Variants in CDHR3 observed in about 807,000 individuals in gnomAD.
CDHR3 encodes cadherin-related family member 3.
CDHR3 carries 79 observed loss-of-function variants against 86.6 expected under a neutral mutation model. The ratio of observed to expected loss-of-function variants is 0.91; its 90% CI spans 0.76 to 1.10. The LOEUF (loss-of-function observed/expected upper bound fraction) is 1.10. Ranked by LOEUF, CDHR3 falls within the 50% of genes least tolerant of loss-of-function variation. The pLI, the probability that CDHR3 is intolerant of heterozygous loss-of-function variation, is 0.00. For synonymous variants in CDHR3, 421 were observed against 402.4 expected, an observed-to-expected ratio of 1.05 and a Z score of -0.55; for missense variants, 1,081 against 1,077.6, an observed-to-expected ratio of 1.00 and a Z score of -0.04.
At chr7:105,982,067 C>A (rs73720318) in intron 3 of CDHR3, among the ~76,000 whole-genome samples, 22,459 of 152,094 alleles carry the variant, frequency 0.15, 1,730 homozygotes, top group African/African-American at 0.2. Flanking sequence ...AGTCTGTTTT[C>A]CATACTGCAG....
intron 15 of CDHR3, among the ~76,000 whole-genome samples, chr7:106,026,427 A>T (rs1437742708): frequency 1.3e-5 from 2 of 152,180 alleles, no homozygotes; most frequent in Non-Finnish European, 2.9e-5. Flanking sequence ...TATTCCCTGA[A>T]GTTTATAAGG....
At chr7:106,015,265 C>A (rs975532000) in intron 10 of CDHR3, 52 bp downstream of exon 10, 7 of 1,460,640 alleles carry the variant, frequency 4.8e-6, no homozygotes, top group Non-Finnish European at 5.6e-6. Context: ...GTATCAATGA[C>A]CAAACTCTGC....
intron 8 of CDHR3, among the ~76,000 whole-genome samples, chr7:106,005,302 AT>A (rs1209289765): frequency 6.6e-6 from 1 of 152,178 alleles, no homozygotes; most frequent in East Asian, 1.9e-4. Flanking sequence ...CCTACAATCT[AT>A]TTGCTATTAT....
intron 4 of CDHR3, among the ~76,000 whole-genome samples, chr7:105,992,224 A>G (rs1359968543): frequency 6.6e-6 from 1 of 152,198 alleles, no homozygotes; most frequent in Non-Finnish European, 1.5e-5. Flanking sequence ...TCCAGCTCCT[A>G]GAGCATTTCA....
chr7:106,015,827 A>C (rs1470670734), intron 10 of CDHR3, 100 bp from the exon 11 acceptor site: 1,191 of 737,022 alleles, frequency 1.6e-3, no homozygotes, highest in Non-Finnish European at 2.3e-3. Context: ...GGTATCCCCT[A>C]TGCGCAAAGC....
At position 106,017,995 on chromosome 7, in the gene CDHR3, A is replaced by G. The variant is rs1835923816; in HGVS notation, c.1576A>G (p.Lys526Glu). 1 of 1,613,826 alleles carries G rather than the reference A, an allele frequency of 6.2e-7. No individual in the cohort carries two copies. The highest frequency in any genetic ancestry group is 8.5e-7 in the Non-Finnish European group (1 of 1,179,884). ...PKTGELQLVT[K>E]VDCETTPIYI... Reference sequence around the variant, plus strand: ...GACAGGAGAACTCCAGCTGGTAACTAAAGTGGACTGTGAAACAACCCCCAT... The same window carrying G: ...GACAGGAGAACTCCAGCTGGTAACTGAAGTGGACTGTGAAACAACCCCCAT... Residue 526 changes from lysine (K) to glutamate (E), a missense_variant, in exon 12 of 19, where the codon AAA becomes GAA. Coordinates refer to ENST00000317716, the MANE Select transcript of CDHR3 (RefSeq NM_152750.5).
intron 4 of CDHR3, 125 bp from the exon 5 acceptor site, chr7:105,994,626 G>A (rs767602234): frequency 2.3e-5 from 16 of 700,458 alleles, no homozygotes; most frequent in Non-Finnish European, 3.9e-5. Flanking sequence ...TCTTTGAACC[G>A]CATCCTGATG....
At chr7:106,015,463 C>G (rs1340177221) in intron 10 of CDHR3, among the ~76,000 whole-genome samples, 1 of 152,058 alleles carries the variant, frequency 6.6e-6, no homozygotes, top group African/African-American at 2.4e-5. Flanking sequence ...AGTTCCAACT[C>G]TTTGACTTGG....
intron 4 of CDHR3, among the ~76,000 whole-genome samples, chr7:105,988,051 C>T (rs1251126906): frequency 6.6e-6 from 1 of 152,112 alleles, no homozygotes; most frequent in Non-Finnish European, 1.5e-5. Flanking sequence ...CCATCACACC[C>T]AGCTAATTTT....
intron 4 of CDHR3, among the ~76,000 whole-genome samples, chr7:105,993,696 A>C (rs1353166484): frequency 2.0e-5 from 3 of 150,582 alleles, no homozygotes; most frequent in Non-Finnish European, 4.4e-5. Context: ...AAAAAAAAAA[A>C]AAAAAAAAAG....
intron 4 of CDHR3, among the ~76,000 whole-genome samples, chr7:105,993,597 G>T (rs2115743073): frequency 6.8e-6 from 1 of 147,062 alleles, no homozygotes; most frequent in South Asian, 2.2e-4. Flanking sequence ...TATCACTTGA[G>T]CCCGGGAGGC....
chr7:105,981,066 G>T lies in CDHR3; in HGVS notation c.348G>T (p.Leu116=), dbSNP rs193795. Residue 116 remains leucine (L), a synonymous_variant, in exon 3 of 19, where the codon CTG becomes CTT. Transcript: ENST00000317716. ...YVKDEVGVTD[L]QVLTVQVTDV... ...AGGATGAGGTTGGTGTCACAGACCTGCAAGTCCTGACTGTCCAGGTAACAG... is the reference window on the plus strand; with the variant it reads ...AGGATGAGGTTGGTGTCACAGACCTTCAAGTCCTGACTGTCCAGGTAACAG... 0.45 allele frequency: 725,686 copies of T among 1,612,262 alleles called. 166,582 individuals are homozygous for T. The highest frequency in any genetic ancestry group is 0.61 in the South Asian group (55,073 of 90,816).
At position 106,006,990 on chromosome 7, in the gene CDHR3, C is replaced by T. The variant is rs556472599; in HGVS notation, c.1052+2303C>T. ...TTCCATACATCCTCTCAAATCTAAG[C>T]GGAGGTTCTCAAACCTCAATTCTTG... On this transcript the variant is annotated intron_variant, in intron 8 of 18. Transcript: ENST00000317716. 3.3e-4 allele frequency among the ~76,000 whole-genome samples: 50 copies of T among 152,348 alleles called. 1 individual carries two copies. Among genetic ancestry groups the T allele is most frequent in the Middle Eastern group, 6.8e-3 (2 of 294 alleles).
Position 106,022,354 on chromosome 7 carries a change from G to C in CDHR3, c.1982G>C (p.Arg661Thr). The C allele has an allele frequency of 1.2e-6, 2 of 1,614,020 alleles. No homozygotes were observed. The highest frequency in any genetic ancestry group is 1.7e-6 in the Non-Finnish European group (2 of 1,179,898). ...YVTDDNLMSD[R>T]KKAEALVETG... ...ACTGATGACAACTTGATGTCTGACAGGAAGAAAGCGGAGGCTCTTGTTGAG... is the reference window on the plus strand; with the variant it reads ...ACTGATGACAACTTGATGTCTGACACGAAGAAAGCGGAGGCTCTTGTTGAG... The change falls in exon 14 of 19, where the codon AGG (arginine) becomes ACG (threonine). Residue 661 changes from arginine (R) to threonine (T), a missense_variant. Transcript: ENST00000317716.
At chr7:106,015,600 G>A (rs1301650666) in intron 10 of CDHR3, among the ~76,000 whole-genome samples, 2 of 152,034 alleles carry the variant, frequency 1.3e-5, no homozygotes, top group Non-Finnish European at 2.9e-5. Flanking sequence ...TGAATTATGT[G>A]GTTTTATACC....
intron 2 of CDHR3, among the ~76,000 whole-genome samples, chr7:105,976,261 G>A (rs558667777): frequency 3.9e-5 from 6 of 152,218 alleles, no homozygotes; most frequent in Non-Finnish European, 8.8e-5. Context: ...AGTGCTTTGC[G>A]TGTGTTTGCT....
chr7:105,963,761 G>A (rs1667592768), intron 1 of CDHR3, among the ~76,000 whole-genome samples: 1 of 152,114 alleles, frequency 6.6e-6, no homozygotes, highest in African/African-American at 2.4e-5. Flanking sequence ...AGGTTGACAA[G>A]TGATCCTTTG....
intron 11 of CDHR3, 106 bp from the exon 12 acceptor site, chr7:106,017,739 AG>A (rs1262411726): frequency 1.2e-6 from 1 of 804,454 alleles, no homozygotes; most frequent in Non-Finnish European, 2.0e-6. Flanking sequence ...GACAGCAAGG[AG>A]GCCTCCAGAA....
intron 11 of CDHR3, among the ~76,000 whole-genome samples, chr7:106,016,437 G>A (rs368091022): frequency 6.6e-6 from 1 of 152,016 alleles, no homozygotes; most frequent in African/African-American, 2.4e-5. Context: ...CAAAATAAAG[G>A]CATTTTCTCT....
Sources: allele counts gnomAD v4.1 joint callset (sites outside exome capture counted in the v4.1 genomes callset), GRCh38; gene constraint gnomAD v4.1.1; transcripts MANE v1.5; gene names NCBI Gene and HGNC (gene_info 2026-07-23, HGNC 2026-07-21).